The following PACC1 variants were observed in gnomAD, a reference collection of about 807,000 sequenced individuals.
PACC1 encodes the protein proton-activated chloride channel.
Under a neutral mutation model 39.7 loss-of-function variants are expected in PACC1, and 34 were observed. The observed-to-expected ratio is 0.86, with a 90% CI of 0.65 to 1.14. The LOEUF (loss-of-function observed/expected upper bound fraction) is 1.14. Among genes scored for constraint, PACC1 ranks in the 50% most tolerant of loss-of-function variants. The pLI is 0.00. For synonymous variants in PACC1, 127 were observed against 160.6 expected (o/e 0.79, Z 1.58); for missense variants, 379 against 436.4 (o/e 0.87, Z 1.17).
chr1:212,364,428 GTAAT>G lies in PACC1; in HGVS notation c.*783_*786del, dbSNP rs1263694678. The G allele has an allele frequency of 6.6e-6, 1 of 152,286 alleles. No individual in the cohort carries two copies. Among genetic ancestry groups the G allele is most frequent in the Non-Finnish European group, 1.5e-5 (1 of 68,032 alleles). 9.4% of individuals were successfully genotyped at this position (152,286 alleles called of 1,614,324 possible). On this transcript the variant is annotated 3_prime_UTR_variant, in exon 8 of 8. Coordinates refer to ENST00000261455, the MANE Select transcript of PACC1 (RefSeq NM_018252.3). Reference sequence around the variant, plus strand: ...TGTCCTTGGAAGTCACCAAATGAAAGTAATTGTGCCCGATGATTGAGCAGATATT... The same window carrying G: ...TGTCCTTGGAAGTCACCAAATGAAAGTGTGCCCGATGATTGAGCAGATATT...
At chr1:212,412,767 A>G (rs1386781936) in intron 1 of PACC1, among the ~76,000 whole-genome samples, 1 of 152,220 alleles carries the variant, frequency 6.6e-6, no homozygotes, top group East Asian at 1.9e-4. Flanking sequence ...GTTCCTGCTA[A>G]GCCAGGACCC....
chr1:212,381,697 A>G (rs1663635), intron 4 of PACC1, among the ~76,000 whole-genome samples: 2 of 30,500 alleles, frequency 6.6e-5, no homozygotes, highest in African/African-American at 2.1e-4. Context: ...CACACACTGC[A>G]CACACACACA....
intron 2 of PACC1, among the ~76,000 whole-genome samples, chr1:212,398,848 T>C (rs1021950398): frequency 2.6e-5 from 4 of 152,202 alleles, no homozygotes; most frequent in African/African-American, 9.7e-5. Context: ...GAAAGTATCC[T>C]GTATAGGGTG....
At chr1:212,378,238 C>T (rs560213487) in intron 5 of PACC1, among the ~76,000 whole-genome samples, 7 of 152,240 alleles carry the variant, frequency 4.6e-5, no homozygotes, top group South Asian at 4.2e-4. Flanking sequence ...AAAATCAAAG[C>T]GAACATAAAA....
At chr1:212,383,485 A>G (rs1278884714) in intron 4 of PACC1, among the ~76,000 whole-genome samples, 1 of 152,206 alleles carries the variant, frequency 6.6e-6, no homozygotes, top group Admixed American at 6.5e-5. Flanking sequence ...ATAACTCCAC[A>G]TTGGAATTGT....
chr1:212,381,729 A>ACACACACACACACT (rs1660898890), intron 4 of PACC1, among the ~76,000 whole-genome samples: 1 of 112,342 alleles, frequency 8.9e-6, no homozygotes, highest in Non-Finnish European at 1.9e-5. Flanking sequence ...ACACACACAC[A>ACACACACACACACT]GCCCACATGG....
intron 2 of PACC1, among the ~76,000 whole-genome samples, chr1:212,388,135 C>T (rs1377838599): frequency 1.3e-5 from 2 of 152,054 alleles, no homozygotes; most frequent in Non-Finnish European, 2.9e-5. Flanking sequence ...TATTTGGGCA[C>T]CTCTTCCTCA....
intron 2 of PACC1, among the ~76,000 whole-genome samples, chr1:212,401,353 C>T (rs553178172): frequency 6.6e-5 from 10 of 152,140 alleles, no homozygotes; most frequent in South Asian, 4.2e-4. Flanking sequence ...CAGCTAGGCG[C>T]GGTGGCTCAC....
At chr1:212,366,762 C>T (rs762437077) in intron 7 of PACC1, among the ~76,000 whole-genome samples, 6 of 152,288 alleles carry the variant, frequency 3.9e-5, no homozygotes, top group Middle Eastern at 3.4e-3. Context: ...CATTACACAA[C>T]GAGCTGCAAG....
chr1:212,370,429 A>G (rs1001196281), intron 7 of PACC1, among the ~76,000 whole-genome samples: 1 of 152,230 alleles, frequency 6.6e-6, no homozygotes, highest in Non-Finnish European at 1.5e-5. Context: ...AGTTCACACC[A>G]CTGCACTCCA....
chr1:212,412,548 T>C (rs1462523832), intron 1 of PACC1, among the ~76,000 whole-genome samples: 1 of 152,180 alleles, frequency 6.6e-6, no homozygotes, highest in Admixed American at 6.5e-5. Flanking sequence ...CCCCATTCTC[T>C]GAGGAAGTGA....
intron 2 of PACC1, among the ~76,000 whole-genome samples, chr1:212,395,751 AC>A (rs1661490396): frequency 1.3e-5 from 2 of 152,152 alleles, no homozygotes; most frequent in Admixed American, 6.5e-5. Flanking sequence ...GAAAAAAAAA[AC>A]AACCCCATCA....
rs1038597269 is a variant in PACC1, at chr1:212,375,043, A to C, written c.891+150T>G. ...ACAAGCTGATTTGTGCTATGAAAAA[A>C]GATGAGGACAGGTAGGTAGACTTAT... On this transcript the variant is annotated intron_variant, in intron 7 of 7. Transcript: ENST00000261455. 2.1e-5 allele frequency: 11 copies of C among 515,470 alleles called. No homozygotes were observed. In the South Asian group the frequency reaches 3.4e-4, roughly 16 times the overall value. 31.9% of individuals were successfully genotyped at this position (515,470 alleles called of 1,614,324 possible). A position where few individuals can be genotyped will look rare whatever the true frequency, so the allele number is the denominator to read the frequency against.
At chr1:212,380,078 TAC>T in intron 4 of PACC1, 41 bp from the exon 5 acceptor site, 1 of 1,602,410 alleles carries the variant, frequency 6.2e-7, no homozygotes, top group East Asian at 2.2e-5. Flanking sequence ...CCTGGGAGAG[TAC>T]ACAGAGGCCT....
intron 7 of PACC1, 124 bp from the exon 8 acceptor site, chr1:212,365,500 G>C: frequency 2.9e-6 from 3 of 1,018,390 alleles, no homozygotes; most frequent in Non-Finnish European, 4.1e-6. Flanking sequence ...GCGCAATCTC[G>C]GCTCAGTGCA....
At chr1:212,379,818 C>T in intron 5 of PACC1, 77 bp downstream of exon 5, 1 of 1,577,952 alleles carries the variant, frequency 6.3e-7, no homozygotes, top group Admixed American at 1.7e-5. Flanking sequence ...ACCCCTCCGT[C>T]TCTAGCCTTG....
intron 7 of PACC1, among the ~76,000 whole-genome samples, chr1:212,367,501 C>T (rs1660289214): frequency 6.6e-6 from 1 of 152,204 alleles, no homozygotes; most frequent in Admixed American, 6.5e-5. Context: ...CATCTACCAC[C>T]CCAGTGGGAG....
At chr1:212,382,354 G>A (rs182773044) in intron 4 of PACC1, among the ~76,000 whole-genome samples, 3 of 151,926 alleles carry the variant, frequency 2.0e-5, no homozygotes, top group Non-Finnish European at 2.9e-5. Flanking sequence ...AGTGTTTTAT[G>A]GTTGCAAAAA....
intron 2 of PACC1, among the ~76,000 whole-genome samples, chr1:212,406,364 A>G (rs1571680320): frequency 6.6e-6 from 1 of 152,320 alleles, no homozygotes; most frequent in African/African-American, 2.4e-5. Flanking sequence ...TAAAAATACA[A>G]AAATTAGCCA....
Sources: gnomAD v4.1 joint callset for allele counts (sites outside exome capture counted in the v4.1 genomes callset) on GRCh38, gnomAD v4.1.1 for gene constraint, MANE v1.5 for transcripts, NCBI Gene and HGNC (gene_info 2026-07-23, HGNC 2026-07-21) for gene names.